SANBR: variants seen among roughly 807,000 people sequenced by gnomAD.
The protein encoded by SANBR is SANT and BTB domain regulator of CSR, also known as SANT and BTB domain regulator of class switch recombination.
In SANBR, 77 loss-of-function variants were observed where a neutral mutation model predicts 101.8. That is an observed-to-expected ratio of 0.76 (90% CI 0.63 to 0.91). SANBR has a LOEUF of 0.91. SANBR is among the 40% of genes least tolerant of loss of function. The pLI, the probability that SANBR is intolerant of heterozygous loss-of-function variation, is 0.00. For missense variants in SANBR, 875 were observed against 853.0 expected (o/e 1.03, Z -0.32); for synonymous variants, 279 against 274.7 (o/e 1.02, Z -0.15).
intron 10 of SANBR, among the ~76,000 whole-genome samples, chr2:61,091,078 A>G (rs563370761): frequency 7.1e-4 from 108 of 152,194 alleles, no homozygotes; most frequent in African/African-American, 2.5e-3. Flanking sequence ...TTTAAGACAA[A>G]TGTGCCTGTG....
chr2:61,111,492 G>T (rs1408449409), intron 16 of SANBR, among the ~76,000 whole-genome samples: 1 of 152,164 alleles, frequency 6.6e-6, no homozygotes, highest in African/African-American at 2.4e-5. Context: ...GAAAAAGCTG[G>T]TTCTTTAGCA....
intron 21 of SANBR, among the ~76,000 whole-genome samples, chr2:61,136,301 T>TG (rs916512361): frequency 5.8e-5 from 8 of 137,306 alleles, no homozygotes; most frequent in African/African-American, 8.3e-5. Context: ...GAGACTCGTC[T>TG]GAAAAAAAAA....
At chr2:61,081,554 A>C in intron 7 of SANBR, 44 bp downstream of exon 7, 27 of 1,477,320 alleles carry the variant, frequency 1.8e-5, no homozygotes, top group Non-Finnish European at 2.4e-5. Context: ...CTGTTCACTT[A>C]TGCTTTCTTT....
At chr2:61,122,000 G>C in intron 21 of SANBR, 126 bp from the exon 22 acceptor site, 2 of 1,264,226 alleles carry the variant, frequency 1.6e-6, no homozygotes, top group Non-Finnish European at 2.2e-6. Context: ...TTTAGAAAAT[G>C]GATTACGGAG....
chr2:61,089,199 CATA>C, intron 10 of SANBR: 1 of 985,176 alleles, frequency 1.0e-6, no homozygotes, highest in Non-Finnish European at 1.2e-6. Flanking sequence ...ATTTGTTCTT[CATA>C]CTTTGTCAGT....
chr2:61,106,726 C>T (rs1033697228), intron 14 of SANBR, 64 bp downstream of exon 14: 2 of 999,068 alleles, frequency 2.0e-6, no homozygotes, highest in Non-Finnish European at 1.5e-6. Flanking sequence ...TAATCTTTGA[C>T]AGGAACCTGA....
At chr2:61,100,665 C>G (rs1279004209) in intron 12 of SANBR, among the ~76,000 whole-genome samples, 1 of 151,972 alleles carries the variant, frequency 6.6e-6, no homozygotes, top group Non-Finnish European at 1.5e-5. Context: ...TTTCTGTTCT[C>G]TAAAAAGTAG....
At chr2:61,066,431 C>T (rs1020708130) in intron 1 of SANBR, 9 of 152,602 alleles carry the variant, frequency 5.9e-5, no homozygotes, top group East Asian at 1.9e-4. Flanking sequence ...CCCGAGGACG[C>T]GCCGCGTAGT....
At chr2:61,099,596 A>G (rs1683192455) in intron 12 of SANBR, among the ~76,000 whole-genome samples, 1 of 152,230 alleles carries the variant, frequency 6.6e-6, no homozygotes, top group African/African-American at 2.4e-5. Flanking sequence ...GCCGTTAGAT[A>G]TATGAGTTTG....
intron 13 of SANBR, among the ~76,000 whole-genome samples, chr2:61,105,527 C>A (rs996484544): frequency 6.7e-6 from 1 of 150,284 alleles, no homozygotes; most frequent in African/African-American, 2.4e-5. Context: ...GCCACCACAC[C>A]CAGCTAATTT....
chr2:61,107,300 T>A (rs1683620308), intron 14 of SANBR, among the ~76,000 whole-genome samples: 1 of 152,214 alleles, frequency 6.6e-6, no homozygotes, highest in South Asian at 2.1e-4. Context: ...TTTTTTGGCA[T>A]AAAATTATCC....
At chr2:61,113,202 A>T (rs541930490) in intron 16 of SANBR, among the ~76,000 whole-genome samples, 28 of 152,230 alleles carry the variant, frequency 1.8e-4, no homozygotes, top group Non-Finnish European at 3.2e-4. Context: ...TTACATCAGC[A>T]TATCAATACC....
chr2:61,114,850 T>C (rs1683998497), intron 16 of SANBR, among the ~76,000 whole-genome samples: 1 of 152,098 alleles, frequency 6.6e-6, no homozygotes, highest in African/African-American at 2.4e-5. Context: ...AGAGACAAGG[T>C]CTCCTTATAT....
intron 19 of SANBR, 79 bp from the exon 20 acceptor site, chr2:61,117,949 T>C: frequency 9.9e-7 from 1 of 1,006,878 alleles, no homozygotes; most frequent in African/African-American, 1.6e-5. Context: ...AAACCCTAGG[T>C]GATTACAGTC....
chr2:61,085,868 A>G (rs1024664049), intron 8 of SANBR, among the ~76,000 whole-genome samples: 2 of 152,114 alleles, frequency 1.3e-5, no homozygotes, highest in African/African-American at 4.8e-5. Context: ...GGTAATTTAA[A>G]TTCTCAAGTT....
chr2:61,071,613 A>T lies in SANBR; in HGVS notation c.158A>T (p.Lys53Ile). ...VPGLTPKECAKRFDELKSSGS... is the reference protein window; with the variant it reads ...VPGLTPKECAIRFDELKSSGS... ...CATTTTATATTATGACAGTGTGCAA[A>T]AAGGTTTGATGAATTAAAGAGCAGT... Residue 53 changes from lysine (K) to isoleucine (I), a missense_variant, in exon 4 of 22, where the codon AAA (lysine) becomes ATA (isoleucine). Transcript: ENST00000402291. 1 of 1,551,404 alleles carries T rather than the reference A, an allele frequency of 6.4e-7. No individual in the cohort carries two copies. The highest frequency in any genetic ancestry group is 1.2e-5 in the South Asian group (1 of 80,806).
At chr2:61,075,742 G>A (rs1681729955) in intron 5 of SANBR, among the ~76,000 whole-genome samples, 1 of 151,648 alleles carries the variant, frequency 6.6e-6, no homozygotes, top group South Asian at 2.1e-4. Flanking sequence ...TTATGTATGT[G>A]AATGCCTAGA....
Position 61,076,783 on chromosome 2 carries a change from G to A in SANBR, c.432-137G>A, listed in dbSNP as rs544999704. The A allele has an allele frequency of 1.6e-4, 101 of 641,658 alleles. No individual in the cohort carries two copies. In the African/African-American group the frequency reaches 1.6e-3, roughly 10 times the overall value. The allele number at this position is 641,658 out of a possible 1,614,324, so 39.7% of individuals were successfully genotyped here. ...CAGGCTAGCAAGACACTTGAAAAAT[G>A]TCAAGACCCTATAAAACTGATTTGT... On this transcript the variant is annotated intron_variant, in intron 5 of 21. Transcript: ENST00000402291.
intron 20 of SANBR, 77 bp from the exon 21 acceptor site, chr2:61,121,108 A>C: frequency 1.9e-6 from 2 of 1,031,112 alleles, no homozygotes; most frequent in Non-Finnish European, 2.8e-6. Context: ...TTCTAAATTA[A>C]AAAGTAATCC....
Sources: allele counts gnomAD v4.1 joint callset (sites outside exome capture counted in the v4.1 genomes callset), GRCh38; gene constraint gnomAD v4.1.1; transcripts MANE v1.5; gene names NCBI Gene and HGNC (gene_info 2026-07-23, HGNC 2026-07-21).